Variants in LIPG observed in about 807,000 individuals in gnomAD.
The protein encoded by LIPG is endothelial lipase.
Under a neutral mutation model 51.8 loss-of-function variants are expected in LIPG, and 34 were observed. The ratio of observed to expected loss-of-function variants is 0.66; its 90% CI spans 0.50 to 0.87. The LOEUF is 0.87. Among genes scored for constraint, LIPG ranks in the 40% least tolerant of loss-of-function variants. LIPG has a pLI of 0.00. For synonymous variants in LIPG, 246 were observed against 246.1 expected (o/e 1.00, Z 0.00); for missense variants, 580 against 652.7 (o/e 0.89, Z 1.21).
intron 1 of LIPG, among the ~76,000 whole-genome samples, chr18:49,564,484 G>A (rs886167740): frequency 6.6e-6 from 1 of 152,320 alleles, no homozygotes; most frequent in East Asian, 1.9e-4. Flanking sequence ...GCTGGAAGGG[G>A]GGATTTTTGT....
chr18:49,574,745 G>A (rs1351802707), intron 4 of LIPG, among the ~76,000 whole-genome samples: 2 of 152,130 alleles, frequency 1.3e-5, no homozygotes, highest in South Asian at 2.1e-4. Context: ...GTTTTCTCAC[G>A]GTGGCTGCAA....
Position 49,567,566 on chromosome 18 carries a change from T to C in LIPG, c.404T>C (p.Val135Ala). Residue 135 changes from valine (V) to alanine (A), a missense_variant, in exon 3 of 10, where the codon GTC becomes GCC. Val to Ala is a moderately conservative substitution (Grantham distance 64). Transcript: ENST00000261292. ...GCCCACCAGCTTTACACGGATGCGG[T>C]CAATAATACCAGGGTGGTGGGACAC... ...PLAHQLYTDA[V>A]NNTRVVGHSI... 4.3e-6 allele frequency: 7 copies of C among 1,614,092 alleles called. No homozygotes were observed. Among genetic ancestry groups the C allele is most frequent in the Non-Finnish European group, 5.1e-6 (6 of 1,180,026 alleles).
At chr18:49,573,915 G>T (rs11082763) in intron 4 of LIPG, among the ~76,000 whole-genome samples, 35,060 of 152,088 alleles carry the variant, frequency 0.23, 4,514 homozygotes, top group East Asian at 0.32. Flanking sequence ...TTGGTGTGGG[G>T]TGTGTGTGTG....
intron 9 of LIPG, among the ~76,000 whole-genome samples, chr18:49,587,941 A>G (rs1408087683): frequency 1.3e-5 from 2 of 152,068 alleles, no homozygotes; most frequent in Non-Finnish European, 2.9e-5. Context: ...GGCACTTGCC[A>G]CCACGCTGAG....
At position 49,562,132 on chromosome 18, in the gene LIPG, C is replaced by G. The variant is rs2084556339; in HGVS notation, c.-177C>G. 5 of 1,464,972 alleles carry G rather than the reference C, an allele frequency of 3.4e-6. No homozygotes were observed. The East Asian group carries it at 9.9e-5, about 29-fold the overall frequency. 90.7% of individuals were successfully genotyped at this position (1,464,972 alleles called of 1,614,324 possible). A position where few individuals can be genotyped will look rare whatever the true frequency, so the allele number is the denominator to read the frequency against. On this transcript the variant is annotated 5_prime_UTR_variant, in exon 1 of 10. Transcript: ENST00000261292. ...CTGGGGCAAGCCGTTGACACTCGCT[C>G]CCTGCCACCGCCCGGGCTCCGTGCC...
intron 1 of LIPG, among the ~76,000 whole-genome samples, chr18:49,563,571 G>GT (rs1488416348): frequency 1.3e-5 from 2 of 151,860 alleles, no homozygotes; most frequent in Non-Finnish European, 2.9e-5. Flanking sequence ...ACTGATTAAA[G>GT]TATCAGTGGT....
At chr18:49,588,103 A>G (rs1198585141) in intron 9 of LIPG, among the ~76,000 whole-genome samples, 1 of 151,318 alleles carries the variant, frequency 6.6e-6, no homozygotes, top group East Asian at 2.0e-4. Context: ...GCCATCTTTG[A>G]TTGACATCTT....
At chr18:49,573,491 A>C (rs57467664) in intron 4 of LIPG, among the ~76,000 whole-genome samples, 4,070 of 151,998 alleles carry the variant, frequency 0.027, 181 homozygotes, top group African/African-American at 0.094. Flanking sequence ...GAGGCAGGAG[A>C]ATCGCTTGAA....
Position 49,581,570 on chromosome 18 carries a change from A to G in LIPG, c.949A>G (p.Asn317Asp). Residue 317 changes from asparagine (N) to aspartate (D), a missense_variant, in exon 6 of 10, where the codon AAT becomes GAT. Transcript: ENST00000261292. The part of the protein sequence containing the change: ...ICLSCRKNRC[N>D]SIGYNAKKMR... ...TCTGAGCTGCCGCAAGAACCGTTGT[A>G]ATAGCATTGGCTACAATGCCAAGAA... 6.2e-7 allele frequency: 1 copy of G among 1,614,230 alleles called. No homozygotes were observed. Among genetic ancestry groups the G allele is most frequent in the Non-Finnish European group, 8.5e-7 (1 of 1,180,038 alleles).
At chr18:49,586,303 G>A (rs550089872) in intron 8 of LIPG, among the ~76,000 whole-genome samples, 2 of 152,298 alleles carry the variant, frequency 1.3e-5, no homozygotes, top group East Asian at 3.9e-4. Flanking sequence ...GTTTCACATA[G>A]GGCATAATGT....
intron 7 of LIPG, 72 bp from the exon 8 acceptor site, chr18:49,583,484 T>C: frequency 7.8e-7 from 1 of 1,275,100 alleles, no homozygotes; most frequent in Non-Finnish European, 1.1e-6. Flanking sequence ...TTACTGCCAC[T>C]GTGTCACCCC....
intron 5 of LIPG, among the ~76,000 whole-genome samples, chr18:49,577,624 G>A (rs868084293): frequency 7.0e-6 from 1 of 142,500 alleles, no homozygotes; most frequent in East Asian, 2.0e-4. Flanking sequence ...CCTCCCGGAC[G>A]GGGCGGCTGG....
chr18:49,568,534 C>T (rs2084630765), intron 3 of LIPG, among the ~76,000 whole-genome samples: 1 of 151,936 alleles, frequency 6.6e-6, no homozygotes, highest in African/African-American at 2.4e-5. Flanking sequence ...GTGTGAGCCA[C>T]CATGCCCAAT....
At position 49,565,509 on chromosome 18, in the gene LIPG, G is replaced by C; in HGVS notation, c.279+11G>C. On this transcript the variant is annotated intron_variant, in intron 2 of 9. Transcript: ENST00000261292. ...ATTCACGGATGGACGGTGAGCCCGG[G>C]GAGGGAGCTCTGCGGCTTTATATAA... 1 of 1,614,168 alleles carries C rather than the reference G, an allele frequency of 6.2e-7. No homozygotes were observed. Among genetic ancestry groups the C allele is most frequent in the Non-Finnish European group, 8.5e-7 (1 of 1,179,994 alleles).
chr18:49,565,535 G>C (rs753111407), intron 2 of LIPG, 37 bp downstream of exon 2: 2 of 1,609,114 alleles, frequency 1.2e-6, no homozygotes, highest in Non-Finnish European at 1.7e-6. Flanking sequence ...CTTTATATAA[G>C]ATTTGATTCC....
intron 7 of LIPG, 147 bp downstream of exon 7, chr18:49,582,629 C>A: frequency 2.1e-6 from 2 of 958,188 alleles, no homozygotes; most frequent in Non-Finnish European, 3.3e-6. Flanking sequence ...TCTAGCTGGC[C>A]TCTGCAGTCC....
At position 49,567,589 on chromosome 18, in the gene LIPG, C is replaced by T. The variant is rs769744037; in HGVS notation, c.427C>T (p.His143Tyr). 1.2e-6 allele frequency: 2 copies of T among 1,614,042 alleles called. No homozygotes were observed. Among genetic ancestry groups the T allele is most frequent in the Non-Finnish European group, 1.7e-6 (2 of 1,180,016 alleles). Residue 143 changes from histidine (H) to tyrosine (Y), a missense_variant, in exon 3 of 10, where the codon CAC becomes TAC. Transcript: ENST00000261292. Reference protein sequence around the residue: ...DAVNNTRVVGHSIARMLDWLQ... With the variant: ...DAVNNTRVVGYSIARMLDWLQ... ...GGTCAATAATACCAGGGTGGTGGGA[C>T]ACAGCATTGCCAGGATGCTCGACTG...
intron 9 of LIPG, among the ~76,000 whole-genome samples, chr18:49,588,050 A>C (rs1215805344): frequency 1.3e-5 from 2 of 152,096 alleles, no homozygotes; most frequent in Non-Finnish European, 2.9e-5. Context: ...TTGGCCTCCC[A>C]GAGTGCTGGG....
Position 49,591,006 on chromosome 18 carries a change from C to T in LIPG, c.*484C>T, listed in dbSNP as rs3744840. 0.057 allele frequency: 14,305 copies of T among 252,694 alleles called. 745 individuals are homozygous for T. The highest frequency in any genetic ancestry group is 0.21 in the East Asian group (2,272 of 10,972). 15.7% of individuals were successfully genotyped at this position (252,694 alleles called of 1,614,324 possible). On this transcript the variant is annotated 3_prime_UTR_variant, in exon 10 of 10. Transcript: ENST00000261292. ...GCCTGGTATCTTGCTCGGGCCCTAG[C>T]TGTTGGGGTTCTCATGGGTTGCACT... is the stretch of plus-strand genomic sequence containing the variant.
Sources: allele counts gnomAD v4.1 joint callset (sites outside exome capture counted in the v4.1 genomes callset), GRCh38; gene constraint gnomAD v4.1.1; transcripts MANE v1.5; gene names NCBI Gene and HGNC (gene_info 2026-07-23, HGNC 2026-07-21).